The following DLG2 variants were observed in gnomAD, a reference collection of about 807,000 sequenced individuals.
DLG2 encodes disks large homolog 2.
A neutral mutation model predicts 132.5 loss-of-function variants in DLG2; 45 were observed. The ratio of observed to expected loss-of-function variants is 0.34; its 90% CI spans 0.27 to 0.44. The LOEUF is 0.44. Ranked by LOEUF, DLG2 falls within the 20% of genes least tolerant of loss-of-function variation. DLG2 has a pLI of 1.00. For missense variants in DLG2, 1,045 were observed against 1,196.9 expected (o/e 0.87, Z 1.87); for synonymous variants, 424 against 419.6 (o/e 1.01, Z -0.13).
chr11:85,254,285 C>T (rs1395900126), intron 4 of DLG2, among the ~76,000 whole-genome samples: 1 of 152,158 alleles, frequency 6.6e-6, no homozygotes, highest in Non-Finnish European at 1.5e-5. Context: ...GAATAGTTCT[C>T]AAAATGGAAG....
At chr11:84,023,534 A>C (rs185224456) in intron 11 of DLG2, among the ~76,000 whole-genome samples, 2 of 152,176 alleles carry the variant, frequency 1.3e-5, no homozygotes, top group Admixed American at 1.3e-4. Flanking sequence ...TTTTATTTCT[A>C]CTTCTACTCT....
rs114492834 is a variant in DLG2 at position 85,224,353 on chromosome 11, G to T, written c.186+60867C>A. The stretch of plus-strand genomic sequence containing the variant: ...CACTTTAGACTTTTTCAGAGACATG[G>T]AAACATATTTTGTTTAATACAAGTT... On this transcript the variant is annotated intron_variant, in intron 4 of 27. Coordinates refer to ENST00000376104, the MANE Select transcript of DLG2 (RefSeq NM_001142699.3). 6.0e-3 allele frequency among the ~76,000 whole-genome samples: 919 copies of T among 152,176 alleles called. 11 individuals are homozygous for T. Among genetic ancestry groups the T allele is most frequent in the African/African-American group, 0.021 (888 of 41,520 alleles).
chr11:84,992,180 C>A (rs745928928), intron 6 of DLG2, among the ~76,000 whole-genome samples: 1 of 152,042 alleles, frequency 6.6e-6, no homozygotes, highest in Non-Finnish European at 1.5e-5. Context: ...TTGGGGAAGT[C>A]TTCTCTGAAC....
At chr11:85,351,642 C>T (rs1404520909) in intron 3 of DLG2, among the ~76,000 whole-genome samples, 2 of 152,102 alleles carry the variant, frequency 1.3e-5, no homozygotes, top group East Asian at 3.9e-4. Context: ...TTGTCGAAGG[C>T]CTTTTCTGCA....
At chr11:83,871,255 C>T (rs2063384659) in intron 16 of DLG2, among the ~76,000 whole-genome samples, 1 of 152,110 alleles carries the variant, frequency 6.6e-6, no homozygotes, top group Non-Finnish European at 1.5e-5. Context: ...ATTATTCTTC[C>T]TCATTTTGTC....
chr11:83,826,834 A>G (rs1272819557), intron 17 of DLG2, among the ~76,000 whole-genome samples: 2 of 152,184 alleles, frequency 1.3e-5, no homozygotes, highest in African/African-American at 2.4e-5. Context: ...GGTGTGGCTT[A>G]GGTGAAAGGT....
chr11:85,452,494 G>T, intron 3 of DLG2: 1 of 187,276 alleles, frequency 5.3e-6, no homozygotes. Flanking sequence ...ACAGGGTGGA[G>T]TAGTGCCACC....
intron 7 of DLG2, among the ~76,000 whole-genome samples, chr11:84,382,169 C>A (rs142040886): frequency 1.9e-4 from 29 of 152,246 alleles, no homozygotes; most frequent in Non-Finnish European, 3.8e-4. Flanking sequence ...ATCAGTTTAA[C>A]CCTCCCTAAT....
At chr11:85,242,915 C>A (rs961302708) in intron 4 of DLG2, among the ~76,000 whole-genome samples, 1 of 151,832 alleles carries the variant, frequency 6.6e-6, no homozygotes, top group Non-Finnish European at 1.5e-5. Context: ...GGTATCTAAG[C>A]ACTTCCCAAG....
chr11:84,680,589 T>C (rs868593017), intron 6 of DLG2, among the ~76,000 whole-genome samples: 7 of 152,316 alleles, frequency 4.6e-5, no homozygotes, highest in African/African-American at 1.4e-4. Flanking sequence ...CAAATATTTG[T>C]CTAAAAATTT....
chr11:84,064,281 T>C (rs762467835), intron 10 of DLG2, among the ~76,000 whole-genome samples: 37 of 152,206 alleles, frequency 2.4e-4, no homozygotes, highest in Admixed American at 9.2e-4. Context: ...AAGAGAAAGA[T>C]AGCGAAGTTT....
At position 84,048,845 on chromosome 11, in the gene DLG2, A is replaced by AAC. The variant is rs908686577; in HGVS notation, c.919+10468_919+10469dup. On this transcript the variant is annotated intron_variant, in intron 11 of 27. Transcript: ENST00000376104. ...AAATCCAACTTGTTAAAGAAAAAAA[A>AAC]ACACACACACACACTATTGACAAAG... Among the ~76,000 whole-genome samples, 15 of 151,706 alleles carry AAC rather than the reference A, an allele frequency of 9.9e-5. No homozygotes were observed. In the East Asian group the frequency reaches 1.9e-3, roughly 20 times the overall value.
At position 85,082,634 on chromosome 11, in the gene DLG2, G is replaced by C. The variant is rs2067381781; in HGVS notation, c.357+29027C>G. On this transcript the variant is annotated intron_variant, in intron 6 of 27. Coordinates refer to ENST00000376104, the MANE Select transcript of DLG2 (RefSeq NM_001142699.3). ...CACTTGGTAACAAAGACAGCAAAAA[G>C]GGAAGGAGGAAAAAAGTGGAAGAAA... Among the ~76,000 whole-genome samples, 3 of 151,930 alleles carry C rather than the reference G, an allele frequency of 2.0e-5. No individual in the cohort carries two copies. The South Asian group carries it at 6.2e-4, about 32-fold the overall frequency.
chr11:85,312,647 A>G (rs1019288517), intron 3 of DLG2, among the ~76,000 whole-genome samples: 2 of 151,854 alleles, frequency 1.3e-5, no homozygotes, highest in Non-Finnish European at 2.9e-5. Context: ...TTCAAGGCAG[A>G]TTTGTCTCCA....
chr11:84,213,139 G>A (rs1471050802), intron 8 of DLG2, among the ~76,000 whole-genome samples: 2 of 152,072 alleles, frequency 1.3e-5, no homozygotes, highest in African/African-American at 2.4e-5. Flanking sequence ...AGAACTCCTA[G>A]TCCTTAAGAG....
intron 7 of DLG2, among the ~76,000 whole-genome samples, chr11:84,336,709 C>G (rs760448965): frequency 6.6e-6 from 1 of 152,152 alleles, no homozygotes; most frequent in Non-Finnish European, 1.5e-5. Context: ...GGAGCCAAGT[C>G]TAGGAAAACA....
At chr11:85,528,691 A>C (rs1345407339) in intron 3 of DLG2, among the ~76,000 whole-genome samples, 2 of 152,226 alleles carry the variant, frequency 1.3e-5, no homozygotes, top group African/African-American at 4.8e-5. Flanking sequence ...TAGTTACATG[A>C]GTATGTGACC....
chr11:83,822,526 C>T (rs1292479371), intron 17 of DLG2, among the ~76,000 whole-genome samples: 2 of 152,112 alleles, frequency 1.3e-5, no homozygotes, highest in Non-Finnish European at 2.9e-5. Context: ...ATTCCCTTTT[C>T]CCACCCCTCA....
intron 6 of DLG2, among the ~76,000 whole-genome samples, chr11:84,866,296 C>T (rs569364331): frequency 6.6e-6 from 1 of 152,110 alleles, no homozygotes; most frequent in African/African-American, 2.4e-5. Context: ...AAAACAACAA[C>T]AACAACAACC....
Sources: gnomAD v4.1 joint callset for allele counts (sites outside exome capture counted in the v4.1 genomes callset) on GRCh38, gnomAD v4.1.1 for gene constraint, MANE v1.5 for transcripts, NCBI Gene and HGNC (gene_info 2026-07-23, HGNC 2026-07-21) for gene names.